The following RANBP2 variants were observed in gnomAD, a reference collection of about 807,000 sequenced individuals.
The protein encoded by RANBP2 is E3 SUMO-protein ligase RanBP2.
Under a neutral mutation model 303.6 loss-of-function variants are expected in RANBP2, and 57 were observed. The observed-to-expected ratio is 0.19, with a 90% confidence interval of 0.15 to 0.23. The LOEUF (loss-of-function observed/expected upper bound fraction) is 0.23. Among genes scored for constraint, RANBP2 ranks in the 10% least tolerant of loss-of-function variants. The pLI, the probability that RANBP2 is intolerant of heterozygous loss-of-function variation, is 1.00. For synonymous variants in RANBP2, 1,167 were observed against 1,301.5 expected (o/e 0.90, Z 2.23); for missense variants, 3,138 against 3,780.8 (o/e 0.83, Z 4.46).
the RANBP2 span, among the ~76,000 whole-genome samples, chr2:109,533,829 C>A: frequency 1.3e-5 from 2 of 152,210 alleles, no homozygotes; most frequent in African/African-American, 2.4e-5. Context: ...TGAACTCCCA[C>A]AGTTCAAATT....
the RANBP2 span, among the ~76,000 whole-genome samples, chr2:109,379,724 CTGTGTCAG>C: frequency 6.6e-6 from 1 of 152,178 alleles, no homozygotes; most frequent in Non-Finnish European, 1.5e-5. Context: ...GCTTGCATTT[CTGTGTCAG>C]TGTGGACTGT....
the RANBP2 span, among the ~76,000 whole-genome samples, chr2:109,663,054 A>G: frequency 6.6e-6 from 1 of 151,836 alleles, no homozygotes; most frequent in Non-Finnish European, 1.5e-5. Flanking sequence ...AACCTTCACA[A>G]TCTCTCCTTG....
At chr2:109,257,520 T>G in the RANBP2 span, among the ~76,000 whole-genome samples, 2 of 152,120 alleles carry the variant, frequency 1.3e-5, no homozygotes, top group Non-Finnish European at 2.9e-5. Context: ...AGAGTCTGGC[T>G]GGGAGGTTGT....
chr2:108,746,379 C>T (rs1423334769), intron 7 of RANBP2, among the ~76,000 whole-genome samples: 25 of 150,562 alleles, frequency 1.7e-4, no homozygotes, highest in Admixed American at 1.4e-3. Flanking sequence ...ACGCCTGGCT[C>T]TTTGTTTTTT....
At chr2:109,158,989 C>T in the RANBP2 span, among the ~76,000 whole-genome samples, 6 of 152,172 alleles carry the variant, frequency 3.9e-5, no homozygotes, top group African/African-American at 9.6e-5. Context: ...TGGTGGCACA[C>T]GCCTGTAATC....
At chr2:109,340,381 G>GCC in the RANBP2 span, among the ~76,000 whole-genome samples, 1 of 152,184 alleles carries the variant, frequency 6.6e-6, no homozygotes, top group Non-Finnish European at 1.5e-5. Context: ...CTGGATGAGA[G>GCC]CCCCAGTACT....
chr2:109,231,586 T>C, the RANBP2 span, among the ~76,000 whole-genome samples: 1 of 152,244 alleles, frequency 6.6e-6, no homozygotes, highest in African/African-American at 2.4e-5. Flanking sequence ...GATAAGCTAC[T>C]TCTTTCCACC....
chr2:109,467,825 G>T, the RANBP2 span, among the ~76,000 whole-genome samples: 1 of 152,162 alleles, frequency 6.6e-6, no homozygotes, highest in African/African-American at 2.4e-5. Flanking sequence ...GGCTGCACAC[G>T]CAGAGGAACA....
the RANBP2 span, among the ~76,000 whole-genome samples, chr2:109,651,953 C>T: frequency 6.6e-6 from 1 of 152,198 alleles, no homozygotes; most frequent in South Asian, 2.1e-4. Flanking sequence ...AGTGCAGCCC[C>T]ACTCTCACCA....
the RANBP2 span, among the ~76,000 whole-genome samples, chr2:109,126,144 CCT>C: frequency 6.6e-6 from 1 of 152,198 alleles, no homozygotes; most frequent in African/African-American, 2.4e-5. Context: ...CCCACCAGGC[CCT>C]GTTGCCTGGG....
At chr2:109,342,762 G>A in the RANBP2 span, among the ~76,000 whole-genome samples, 13 of 152,300 alleles carry the variant, frequency 8.5e-5, 2 homozygotes, top group Admixed American at 6.5e-4. Context: ...AGATGGCGCC[G>A]TTGTGCCCAC....
chr2:109,486,896 A>G, the RANBP2 span, among the ~76,000 whole-genome samples: 1 of 152,234 alleles, frequency 6.6e-6, no homozygotes, highest in East Asian at 1.9e-4. Context: ...GTTTCAGAGC[A>G]AACGAGACGT....
chr2:109,141,774 G>C, the RANBP2 span, among the ~76,000 whole-genome samples: 6 of 152,190 alleles, frequency 3.9e-5, no homozygotes, highest in Non-Finnish European at 8.8e-5. Flanking sequence ...TCAACAGGAG[G>C]GGGTACTGGT....
At chr2:108,891,269 C>T in the RANBP2 span, among the ~76,000 whole-genome samples, 2 of 152,190 alleles carry the variant, frequency 1.3e-5, no homozygotes, top group Admixed American at 1.3e-4. Context: ...AAGTGGATCT[C>T]TGCACATCTG....
At chr2:108,844,534 G>A in the RANBP2 span, among the ~76,000 whole-genome samples, 1 of 152,142 alleles carries the variant, frequency 6.6e-6, no homozygotes, top group African/African-American at 2.4e-5. Context: ...TCCTGTCGGT[G>A]TTGGCAGCTG....
At chr2:109,200,955 C>G in the RANBP2 span, among the ~76,000 whole-genome samples, 53 of 152,284 alleles carry the variant, frequency 3.5e-4, 1 homozygote, top group African/African-American at 1.2e-3. Flanking sequence ...TGGCCCGGGG[C>G]CCACCCACAC....
the RANBP2 span, among the ~76,000 whole-genome samples, chr2:109,729,299 T>C: frequency 6.6e-6 from 1 of 152,200 alleles, no homozygotes. Flanking sequence ...CACCCAAACA[T>C]GTTTTCATGA....
the RANBP2 span, among the ~76,000 whole-genome samples, chr2:109,486,925 G>A: frequency 1.3e-5 from 2 of 152,190 alleles, no homozygotes; most frequent in East Asian, 1.9e-4. Flanking sequence ...TAACAGATCC[G>A]GCTGTTTGGT....
the RANBP2 span, among the ~76,000 whole-genome samples, chr2:109,412,127 A>C: frequency 6.6e-6 from 1 of 152,184 alleles, no homozygotes; most frequent in Non-Finnish European, 1.5e-5. Context: ...GGATGCCGGC[A>C]CAGATGGGAT....
Sources: allele counts gnomAD v4.1 joint callset (sites outside exome capture counted in the v4.1 genomes callset), GRCh38; gene constraint gnomAD v4.1.1; transcripts MANE v1.5; gene names NCBI Gene and HGNC (gene_info 2026-07-23, HGNC 2026-07-21).